LARP4: variants seen among roughly 807,000 people sequenced by gnomAD.
LARP4 encodes la-related protein 4.
LARP4 carries 29 observed loss-of-function variants against 92.9 expected under a neutral mutation model. The ratio of observed to expected loss-of-function variants is 0.31; its 90% confidence interval spans 0.23 to 0.43. LARP4 has a LOEUF of 0.43. Among genes scored for constraint, LARP4 ranks in the 20% least tolerant of loss-of-function variants. The pLI is 1.00. For missense variants in LARP4, 732 were observed against 860.0 expected, an observed-to-expected ratio of 0.85 and a Z score of 1.86; for synonymous variants, 279 against 284.1, an observed-to-expected ratio of 0.98 and a Z score of 0.18.
At chr12:50,422,786 A>C (rs1352965015) in intron 1 of LARP4, among the ~76,000 whole-genome samples, 1 of 79,900 alleles carries the variant, frequency 1.3e-5, no homozygotes, top group Non-Finnish European at 2.0e-5. Flanking sequence ...AAATTATATT[A>C]TTATTATTAT....
chr12:50,447,919 CT>C (rs1448002049), intron 8 of LARP4, among the ~76,000 whole-genome samples: 9 of 151,954 alleles, frequency 5.9e-5, no homozygotes, highest in Admixed American at 5.9e-4. Flanking sequence ...CCAGGCTGGA[CT>C]GCAGTGACGC....
rs376919752 is a variant in LARP4 at position 50,430,550 on chromosome 12, A to G, written c.378A>G (p.Gln126=). ...ACCTAAAAGAATGTCTGAAGAAACA[A>G]TTAGAATTCTGTTTTTCACGGTATT... is the stretch of plus-strand genomic sequence containing the variant. ...TEDLKECLKK[Q]LEFCFSRENL... is the part of the protein sequence containing the mutation. Residue 126 remains glutamine (Q), a synonymous_variant, in exon 4 of 16, where the codon CAA becomes CAG. Coordinates refer to ENST00000398473, the MANE Select transcript of LARP4 (RefSeq NM_052879.5). 3.7e-6 allele frequency: 6 copies of G among 1,604,148 alleles called. No homozygotes were observed. The highest frequency in any genetic ancestry group is 3.4e-5 in the Admixed American group (2 of 59,612).
chr12:50,441,525 A>G, intron 7 of LARP4, 65 bp from the exon 8 acceptor site: 1 of 1,196,464 alleles, frequency 8.4e-7, no homozygotes, highest in Middle Eastern at 2.0e-4. Context: ...CTCTCAACAT[A>G]ATAAAGATAA....
At chr12:50,429,623 GGT>G (rs1949340384) in intron 3 of LARP4, among the ~76,000 whole-genome samples, 1 of 152,014 alleles carries the variant, frequency 6.6e-6, no homozygotes, top group Non-Finnish European at 1.5e-5. Context: ...GTAAGCAATT[GGT>G]GTTTTTTTGT....
chr12:50,453,624 G>T lies in LARP4; in HGVS notation c.969G>T (p.Val323=), dbSNP rs780560125. 1 of 1,612,510 alleles carries T rather than the reference G, an allele frequency of 6.2e-7. No individual in the cohort carries two copies. Among genetic ancestry groups the T allele is most frequent in the South Asian group, 1.1e-5 (1 of 90,888 alleles). ...PHQQYSVYSI[V]PQSWSPNPTP... ...AACAGTACTCGGTCTATAGTATTGT[G>T]CCTCAGTCTTGGTCTCCAAATCCTA... The change falls in exon 9 of 16, where the codon GTG becomes GTT. Residue 323 remains valine (V), a synonymous_variant. Coordinates refer to ENST00000398473, the MANE Select transcript of LARP4 (RefSeq NM_052879.5).
intron 3 of LARP4, among the ~76,000 whole-genome samples, chr12:50,429,429 G>A (rs1949303432): frequency 4.0e-5 from 6 of 151,828 alleles, no homozygotes; most frequent in Admixed American, 2.6e-4. Context: ...GGCCAACATG[G>A]TGAAACACTG....
At chr12:50,467,816 TC>T (rs1956348614) in intron 13 of LARP4, among the ~76,000 whole-genome samples, 2 of 151,478 alleles carry the variant, frequency 1.3e-5, no homozygotes, top group Non-Finnish European at 2.9e-5. Context: ...AATCCTCATG[TC>T]TCACAAGTTT....
At chr12:50,415,596 T>A (rs1946623688) in intron 1 of LARP4, 1 of 152,172 alleles carries the variant, frequency 6.6e-6, no homozygotes, top group Non-Finnish European at 1.5e-5. Flanking sequence ...CCTTCCAATT[T>A]TTTGTTATAT....
rs78511636 is a variant in LARP4, at chr12:50,473,495, G to A, written c.1626G>A (p.Met542Ile). Reference protein sequence around the residue: ...TECTSAQQLNMSTSSPCAAEL... With the variant: ...TECTSAQQLNISTSSPCAAEL... ...GCACTTCTGCCCAGCAACTCAATAT[G>A]AGTACCAGTTCTCCATGTGCTGCTG... is the stretch of plus-strand genomic sequence containing the variant. Residue 542 changes from methionine to isoleucine, a missense_variant, in exon 14 of 16, where the codon ATG becomes ATA. By Grantham distance (10) the Met-to-Ile change is conservative. This residue lies in a region of LARP4 where 97 missense variants were observed against 85.9 expected (regional missense o/e 1.13). Transcript: ENST00000398473. The A allele has an allele frequency of 7.4e-6, 12 of 1,613,546 alleles. No individual in the cohort carries two copies. The East Asian group carries it at 2.7e-4, about 36-fold the overall frequency.
At chr12:50,420,332 A>G (rs2136730846) in intron 1 of LARP4, among the ~76,000 whole-genome samples, 1 of 152,370 alleles carries the variant, frequency 6.6e-6, no homozygotes, top group East Asian at 1.9e-4. Context: ...CAAAATGGAA[A>G]ATAGGAAAAC....
At chr12:50,401,067 A>T (rs1238870487) in intron 1 of LARP4, 39 bp downstream of exon 1, 1 of 1,612,728 alleles carries the variant, frequency 6.2e-7, no homozygotes, top group African/African-American at 1.3e-5. Flanking sequence ...CTCTTAGGAG[A>T]GCAGGAGTGT....
At chr12:50,460,993 A>G in intron 10 of LARP4, 142 bp from the exon 11 acceptor site, 7 of 681,782 alleles carry the variant, frequency 1.0e-5, no homozygotes, top group South Asian at 1.6e-5. Context: ...AAAAGGGGCA[A>G]CACTTTTACA....
In LARP4 at chr12:50,427,898, C is replaced by T; in HGVS notation, c.155C>T (p.Ala52Val). 1 of 1,589,522 alleles carries T rather than the reference C, an allele frequency of 6.3e-7. No individual in the cohort carries two copies. The highest frequency in any genetic ancestry group is 8.6e-7 in the Non-Finnish European group (1 of 1,164,044). ...CATGAAATAGCAGCTACATCAGGTG[C>T]TCATCCTGAGGGTAAGTCTTAAATA... is the stretch of plus-strand genomic sequence containing the variant. ...SWHEIAATSG[A>V]HPEGNAELSE... The change falls in exon 2 of 16, where the codon GCT becomes GTT. Residue 52 changes from alanine to valine, a missense_variant. By Grantham distance (64) the Ala-to-Val change is moderately conservative (BLOSUM62 0). Around this residue, in one of 7 missense-constraint regions of LARP4, gnomAD observed 236 missense variants for 307.6 expected, o/e 0.77. Transcript: ENST00000398473.
At chr12:50,454,528 TG>T in intron 10 of LARP4, 111 bp downstream of exon 10, 1 of 787,636 alleles carries the variant, frequency 1.3e-6, no homozygotes, top group Non-Finnish European at 2.0e-6. Flanking sequence ...GTGGATTTTT[TG>T]TTTGTTTTGT....
chr12:50,469,530 G>T (rs542179114), intron 13 of LARP4, among the ~76,000 whole-genome samples: 1 of 151,318 alleles, frequency 6.6e-6, no homozygotes, highest in South Asian at 2.1e-4. Flanking sequence ...CATGAACCCG[G>T]GAGGCAGAGC....
At chr12:50,405,416 T>C (rs537050415) in intron 1 of LARP4, among the ~76,000 whole-genome samples, 49 of 151,316 alleles carry the variant, frequency 3.2e-4, no homozygotes, top group Non-Finnish European at 6.5e-4. Flanking sequence ...GATAGTAATT[T>C]AAAAAAATTT....
chr12:50,458,804 G>A (rs1954807872), intron 10 of LARP4, among the ~76,000 whole-genome samples: 1 of 152,140 alleles, frequency 6.6e-6, no homozygotes, highest in African/African-American at 2.4e-5. Flanking sequence ...GAAGTTGGGT[G>A]CTTATACCCA....
chr12:50,432,484 C>T (rs1949802723), intron 4 of LARP4, among the ~76,000 whole-genome samples: 1 of 152,134 alleles, frequency 6.6e-6, no homozygotes, highest in African/African-American at 2.4e-5. Context: ...CCTAATCTTA[C>T]AAAACCAAGG....
chr12:50,400,934 C>T lies in LARP4; in HGVS notation c.-77C>T, dbSNP rs1009228048. 8.7e-6 allele frequency: 14 copies of T among 1,600,450 alleles called. No individual in the cohort carries two copies. In the African/African-American group the frequency reaches 1.9e-4, roughly 21 times the overall value. On this transcript the variant is annotated 5_prime_UTR_variant, in exon 1 of 16. Coordinates refer to ENST00000398473, the MANE Select transcript of LARP4 (RefSeq NM_052879.5). ...GGGCAAGGCGAGTGTGTGTCCTTAT[C>T]CTAGCAATTGGGGCGCGGGCCTGTG...
Sources: allele counts gnomAD v4.1 joint callset (sites outside exome capture counted in the v4.1 genomes callset), GRCh38; gene constraint gnomAD v4.1.1; regional missense constraint gnomAD v4.1.1; transcripts MANE v1.5; gene names NCBI Gene and HGNC (gene_info 2026-07-23, HGNC 2026-07-21).